DCC: variants seen among roughly 807,000 people sequenced by gnomAD.
DCC encodes the protein DCC netrin 1 receptor, also known as netrin receptor DCC.
Under a neutral mutation model 172.5 loss-of-function variants are expected in DCC, and 58 were observed. The ratio of observed to expected loss-of-function variants is 0.34; its 90% CI spans 0.27 to 0.42. The LOEUF is 0.42. Ranked by LOEUF, DCC falls within the 10% of genes least tolerant of loss-of-function variation. The pLI, the probability that DCC is intolerant of heterozygous loss-of-function variation, is 1.00. For missense variants in DCC, 1,740 were observed against 1,791.0 expected (o/e 0.97, Z 0.51); for synonymous variants, 709 against 644.5 (o/e 1.10, Z -1.52).
intron 25 of DCC, among the ~76,000 whole-genome samples, chr18:53,470,721 AAG>A (rs148666364): frequency 5.3e-5 from 8 of 151,468 alleles, no homozygotes; most frequent in African/African-American, 9.7e-5. Context: ...GCCAGCAGGA[AAG>A]AGAGAGAGAG....
At chr18:53,255,774 T>G (rs1568394127) in intron 12 of DCC, among the ~76,000 whole-genome samples, 1 of 152,150 alleles carries the variant, frequency 6.6e-6, no homozygotes. Context: ...TCTAGATCCC[T>G]GAGGAATCGC....
chr18:53,030,387 AAATG>A (rs2042011522), intron 5 of DCC, among the ~76,000 whole-genome samples: 1 of 152,126 alleles, frequency 6.6e-6, no homozygotes, highest in South Asian at 2.1e-4. Context: ...ATGACTGAAT[AAATG>A]AATGGGACTC....
At chr18:52,349,821 C>T (rs1156864701) in intron 1 of DCC, among the ~76,000 whole-genome samples, 1 of 152,148 alleles carries the variant, frequency 6.6e-6, no homozygotes, top group East Asian at 1.9e-4. Context: ...GATTTTTCCT[C>T]ATACCACTCC....
intron 13 of DCC, among the ~76,000 whole-genome samples, chr18:53,313,009 G>A (rs1347153027): frequency 7.1e-6 from 1 of 141,100 alleles, no homozygotes. Flanking sequence ...AGGAAGGAAG[G>A]GAGGAAGAAA....
At chr18:53,085,666 A>AT (rs760687523) in intron 7 of DCC, among the ~76,000 whole-genome samples, 41 of 149,736 alleles carry the variant, frequency 2.7e-4, no homozygotes, top group Middle Eastern at 3.5e-3. Context: ...ACTTGTGCAC[A>AT]TTTTTTTTTT....
intron 5 of DCC, among the ~76,000 whole-genome samples, chr18:52,968,087 T>A (rs1243832849): frequency 6.6e-6 from 1 of 152,192 alleles, no homozygotes; most frequent in Non-Finnish European, 1.5e-5. Context: ...ATTAACCATC[T>A]ATACTGGTCC....
chr18:52,677,656 G>A (rs2035669684), intron 1 of DCC, among the ~76,000 whole-genome samples: 1 of 151,984 alleles, frequency 6.6e-6, no homozygotes, highest in Admixed American at 6.6e-5. Flanking sequence ...AAGACTTGAG[G>A]GCAGAATGAG....
chr18:53,473,534 C>T (rs1458875189), intron 25 of DCC, among the ~76,000 whole-genome samples: 1 of 151,960 alleles, frequency 6.6e-6, no homozygotes, highest in African/African-American at 2.4e-5. Flanking sequence ...AAATAAGAGG[C>T]TTAGAAAGAG....
At chr18:53,515,211 T>C (rs1407053102) in intron 27 of DCC, among the ~76,000 whole-genome samples, 1 of 152,016 alleles carries the variant, frequency 6.6e-6, no homozygotes, top group Non-Finnish European at 1.5e-5. Flanking sequence ...CATGATTATC[T>C]CAATAGATGC....
intron 2 of DCC, among the ~76,000 whole-genome samples, chr18:52,823,653 T>C (rs369724123): frequency 1.9e-4 from 29 of 152,296 alleles, no homozygotes; most frequent in African/African-American, 5.8e-4. Flanking sequence ...AATGAGCTTT[T>C]ATAAATTGTG....
intron 15 of DCC, among the ~76,000 whole-genome samples, chr18:53,365,462 A>G (rs1413959303): frequency 1.3e-5 from 2 of 150,272 alleles, no homozygotes; most frequent in African/African-American, 4.9e-5. Flanking sequence ...AAAAAAAAAG[A>G]AAAAAGCAGC....
chr18:52,651,399 T>C (rs1354744693), intron 1 of DCC, among the ~76,000 whole-genome samples: 1 of 151,946 alleles, frequency 6.6e-6, no homozygotes, highest in African/African-American at 2.4e-5. Context: ...CCCAGGCTAG[T>C]CTCAAACCCC....
At chr18:53,436,257 T>C (rs964287466) in intron 22 of DCC, among the ~76,000 whole-genome samples, 6 of 152,212 alleles carry the variant, frequency 3.9e-5, no homozygotes, top group African/African-American at 1.4e-4. Context: ...TAACGTAGTT[T>C]TGAAGATGTA....
chr18:52,407,570 GT>G (rs1986696215), intron 1 of DCC, among the ~76,000 whole-genome samples: 1 of 151,678 alleles, frequency 6.6e-6, no homozygotes, highest in African/African-American at 2.4e-5. Flanking sequence ...AACTTTTTAT[GT>G]TCTATTTCAA....
intron 1 of DCC, among the ~76,000 whole-genome samples, chr18:52,566,006 G>A (rs2033151566): frequency 6.6e-6 from 1 of 151,990 alleles, no homozygotes; most frequent in Non-Finnish European, 1.5e-5. Context: ...TCTTGAGTTA[G>A]CATTTGTATA....
Position 52,752,220 on chromosome 18 carries a change from T to G in DCC, c.258T>G (p.Asp86Glu), listed in dbSNP as rs749521328. 1 of 1,614,148 alleles carries G rather than the reference T, an allele frequency of 6.2e-7. No homozygotes were observed. The highest frequency in any genetic ancestry group is 2.2e-5 in the East Asian group (1 of 44,860). Residue 86 changes from aspartate (D) to glutamate (E), a missense_variant, in exon 2 of 29, where the codon GAT (aspartate) becomes GAG (glutamate). Around this residue, in one of 2 missense-constraint regions of DCC, gnomAD observed 1,732 missense variants for 1,767.4 expected, o/e 0.98. Coordinates refer to ENST00000442544, the MANE Select transcript of DCC (RefSeq NM_005215.4). ...KDGIHLALGMDERKQQLSNGS... is the reference protein window; with the variant it reads ...KDGIHLALGMEERKQQLSNGS... The stretch of plus-strand genomic sequence containing the variant: ...GCATTCATCTGGCCTTGGGAATGGA[T>G]GAAAGGAAGCAGCAACTTTCAAATG...
intron 1 of DCC, among the ~76,000 whole-genome samples, chr18:52,574,959 C>A (rs1451171108): frequency 5.3e-5 from 8 of 152,050 alleles, no homozygotes; most frequent in Non-Finnish European, 5.9e-5. Context: ...ACTGTACTTT[C>A]AATGACTTGA....
chr18:52,933,651 G>A (rs2040341208), intron 5 of DCC, among the ~76,000 whole-genome samples: 1 of 152,042 alleles, frequency 6.6e-6, no homozygotes, highest in Non-Finnish European at 1.5e-5. Context: ...CATATGGAAA[G>A]ATTTCTGATT....
chr18:53,476,214 G>A (rs1432365624), intron 25 of DCC, among the ~76,000 whole-genome samples: 1 of 152,228 alleles, frequency 6.6e-6, no homozygotes, highest in Admixed American at 6.5e-5. Context: ...ATGTCGGGCT[G>A]TGGACTTTTG....
Sources: allele counts gnomAD v4.1 joint callset (sites outside exome capture counted in the v4.1 genomes callset), GRCh38; gene constraint gnomAD v4.1.1; regional missense constraint gnomAD v4.1.1; transcripts MANE v1.5; gene names NCBI Gene and HGNC (gene_info 2026-07-23, HGNC 2026-07-21).